The following TUSC3 variants were observed in gnomAD, a reference collection of about 807,000 sequenced individuals.
TUSC3 encodes the protein dolichyl-diphosphooligosaccharide--protein glycosyltransferase subunit TUSC3.
A neutral mutation model predicts 44.8 loss-of-function variants in TUSC3; 45 were observed. That is an observed-to-expected ratio of 1.00 (90% CI 0.79 to 1.29). The LOEUF (loss-of-function observed/expected upper bound fraction) is 1.29. TUSC3 is among the 50% of genes most tolerant of loss of function. The pLI is 0.00. For missense variants in TUSC3, 519 were observed against 437.9 expected (o/e 1.19, Z -1.65); for synonymous variants, 212 against 152.9 (o/e 1.39, Z -2.85).
intron 2 of TUSC3, among the ~76,000 whole-genome samples, chr8:15,647,930 C>T (rs1393831157): frequency 6.6e-6 from 1 of 152,058 alleles, no homozygotes; most frequent in African/African-American, 2.4e-5. Flanking sequence ...CTTTTAGGAT[C>T]TTCTTTTTAT....
chr8:15,443,010 T>A (rs980280174), intron 1 of TUSC3, among the ~76,000 whole-genome samples: 15 of 152,200 alleles, frequency 9.9e-5, no homozygotes, highest in African/African-American at 3.6e-4. Context: ...TATAATTTTC[T>A]GTCCAGTAAC....
chr8:15,706,562 G>T (rs901001753), intron 6 of TUSC3, among the ~76,000 whole-genome samples: 1 of 151,974 alleles, frequency 6.6e-6, no homozygotes, highest in African/African-American at 2.4e-5. Context: ...AATAGAAGAA[G>T]CTTCCACTCT....
At chr8:15,585,251 G>C (rs1803547789) in intron 1 of TUSC3, among the ~76,000 whole-genome samples, 1 of 152,148 alleles carries the variant, frequency 6.6e-6, no homozygotes, top group Non-Finnish European at 1.5e-5. Context: ...CATGGCATTT[G>C]AAGTCCTTGG....
At chr8:15,806,225 A>T in the TUSC3 span, 2 of 538,606 alleles carry the variant, frequency 3.7e-6, no homozygotes, top group South Asian at 3.6e-5. Flanking sequence ...TGGCTTCAAT[A>T]ACATTTTGCT....
chr8:15,819,711 T>C, the TUSC3 span, among the ~76,000 whole-genome samples: 2 of 152,220 alleles, frequency 1.3e-5, no homozygotes, highest in African/African-American at 2.4e-5. Context: ...CTTGACTTAG[T>C]AATGTTACAA....
downstream of TUSC3, among the ~76,000 whole-genome samples, chr8:15,766,916 C>G (rs13268641): frequency 0.21 from 31,308 of 152,008 alleles, 4,311 homozygotes; most frequent in Non-Finnish European, 0.3. Context: ...GGGGCGAACA[C>G]ATTAGCTGGA....
At position 15,661,536 on chromosome 8, in the gene TUSC3, T is replaced by C. The variant is rs532570778; in HGVS notation, c.568-620T>C. ...TCCTGTTTTGTTTTAATCACCTCTA[T>C]AGGCACGTAATGTCCATCTGTCCTT... On this transcript the variant is annotated intron_variant, in intron 4 of 10. Transcript: ENST00000503731. Among the ~76,000 whole-genome samples the C allele has an allele frequency of 4.6e-5, 7 of 152,120 alleles. No individual in the cohort carries two copies. In the South Asian group the frequency reaches 1.4e-3, roughly 32 times the overall value.
rs769827452 is a variant in TUSC3, at chr8:15,662,204, C to A, written c.616C>A (p.Leu206Met). The A allele has an allele frequency of 6.2e-7, 1 of 1,612,990 alleles. No individual in the cohort carries two copies. Among genetic ancestry groups the A allele is most frequent in the Non-Finnish European group, 8.5e-7 (1 of 1,179,366 alleles). ...CTACTCTGGTACCATTGCTTTGGCC[C>A]TGTTAGTGTCGCTTGTTGGAGGTTT... The part of the protein sequence containing the change: ...PNYSGTIALA[L>M]LVSLVGGLLY... Residue 206 changes from leucine to methionine, a missense_variant, in exon 5 of 11, where the codon CTG becomes ATG. Leu to Met is a conservative substitution (Grantham distance 15). Coordinates refer to ENST00000503731, the MANE Select transcript of TUSC3 (RefSeq NM_006765.4).
At chr8:15,482,783 A>G (rs1221645020) in intron 1 of TUSC3, among the ~76,000 whole-genome samples, 1 of 152,240 alleles carries the variant, frequency 6.6e-6, no homozygotes, top group East Asian at 1.9e-4. Flanking sequence ...ATTCCTATGA[A>G]TGGGAAAAAA....
rs1450551217 is a variant in TUSC3, at chr8:15,549,439, T to G, written c.138+8871T>G. ...TGCCCGCCTCGGCCTCCCAAAGTGCTGGGATTACAGGCGTGAGCCACCATG... is the reference window on the plus strand; with the variant it reads ...TGCCCGCCTCGGCCTCCCAAAGTGCGGGGATTACAGGCGTGAGCCACCATG... On this transcript the variant is annotated intron_variant, in intron 1 of 10. Coordinates refer to ENST00000503731, the MANE Select transcript of TUSC3 (RefSeq NM_006765.4). Among the ~76,000 whole-genome samples, 2 of 151,778 alleles carry G rather than the reference T, an allele frequency of 1.3e-5. 1 individual carries two copies. Among genetic ancestry groups the G allele is most frequent in the Non-Finnish European group, 2.9e-5 (2 of 67,880 alleles).
intron 1 of TUSC3, among the ~76,000 whole-genome samples, chr8:15,612,939 A>G (rs1804823452): frequency 1.3e-5 from 2 of 151,978 alleles, no homozygotes; most frequent in African/African-American, 2.4e-5. Context: ...AAGGAGCCAC[A>G]ATATCAGTTA....
At chr8:15,717,760 A>T (rs1810113911) in intron 6 of TUSC3, among the ~76,000 whole-genome samples, 1 of 152,074 alleles carries the variant, frequency 6.6e-6, no homozygotes, top group African/African-American at 2.4e-5. Context: ...TTAATTGCCA[A>T]TTTTATTAAT....
chr8:15,782,389 G>T, the TUSC3 span, among the ~76,000 whole-genome samples: 14 of 152,088 alleles, frequency 9.2e-5, no homozygotes, highest in African/African-American at 2.4e-4. Context: ...TGAGGCAGGA[G>T]AATCAGTTGG....
chr8:15,479,533 G>T (rs1408019615), intron 1 of TUSC3, among the ~76,000 whole-genome samples: 1 of 152,014 alleles, frequency 6.6e-6, no homozygotes, highest in Non-Finnish European at 1.5e-5. Flanking sequence ...CCATATATTA[G>T]TTAAGGAATC....
At chr8:15,453,000 T>C (rs1239553512) in intron 1 of TUSC3, among the ~76,000 whole-genome samples, 2 of 152,136 alleles carry the variant, frequency 1.3e-5, no homozygotes, top group African/African-American at 4.8e-5. Flanking sequence ...AGTACCACTT[T>C]TAATAAGAGG....
intron 10 of TUSC3, among the ~76,000 whole-genome samples, chr8:15,763,381 GT>G (rs762515317): frequency 1.6e-4 from 23 of 146,836 alleles, no homozygotes; most frequent in East Asian, 5.9e-4. Flanking sequence ...CCAGCTACAT[GT>G]TTTTTTTTTG....
chr8:15,778,424 G>A, the TUSC3 span, among the ~76,000 whole-genome samples: 957 of 152,230 alleles, frequency 6.3e-3, 8 homozygotes, highest in African/African-American at 0.022. Context: ...CATCTGCTAT[G>A]CCTGGGGACT....
chr8:15,569,894 T>G (rs1802807476), intron 1 of TUSC3, among the ~76,000 whole-genome samples: 4 of 147,524 alleles, frequency 2.7e-5, no homozygotes, highest in Admixed American at 2.7e-4. Context: ...TAGTGCTGCT[T>G]ATTTCTCTAA....
intron 7 of TUSC3, among the ~76,000 whole-genome samples, chr8:15,740,093 T>TAA (rs533324174): frequency 6.6e-6 from 1 of 151,290 alleles, no homozygotes; most frequent in African/African-American, 2.4e-5. Flanking sequence ...AATTTTATAA[T>TAA]AAAAAAAAAT....
Sources: allele counts gnomAD v4.1 joint callset (sites outside exome capture counted in the v4.1 genomes callset), GRCh38; gene constraint gnomAD v4.1.1; transcripts MANE v1.5; gene names NCBI Gene and HGNC (gene_info 2026-07-23, HGNC 2026-07-21).